Variants in SLC24A2 observed in about 807,000 individuals in gnomAD.
SLC24A2 encodes the protein solute carrier family 24 member 2.
In SLC24A2, 36 loss-of-function variants were observed where a neutral mutation model predicts 62.0. The ratio of observed to expected loss-of-function variants is 0.58; its 90% confidence interval spans 0.44 to 0.77. The LOEUF (loss-of-function observed/expected upper bound fraction) is 0.77, where lower values mean the gene tolerates loss of function less well. SLC24A2 is among the 30% of genes least tolerant of loss of function. SLC24A2 has a pLI of 0.00. For missense variants in SLC24A2, 846 were observed against 817.9 expected, an observed-to-expected ratio of 1.03 and a Z score of -0.42; for synonymous variants, 358 against 294.0, an observed-to-expected ratio of 1.22 and a Z score of -2.23.
intron 2 of SLC24A2, among the ~76,000 whole-genome samples, chr9:19,650,203 G>A (rs944170860): frequency 3.3e-5 from 5 of 152,194 alleles, no homozygotes; most frequent in African/African-American, 7.2e-5. Flanking sequence ...CAACAGACTC[G>A]AAAGCTGAAA....
chr9:19,557,210 A>G (rs1835138066), intron 7 of SLC24A2, among the ~76,000 whole-genome samples: 1 of 152,238 alleles, frequency 6.6e-6, no homozygotes, highest in Non-Finnish European at 1.5e-5. Context: ...CTTTACATCC[A>G]GTTATACCAG....
At chr9:20,080,759 A>G in the SLC24A2 span, among the ~76,000 whole-genome samples, 3 of 152,278 alleles carry the variant, frequency 2.0e-5, no homozygotes, top group Non-Finnish European at 4.4e-5. Flanking sequence ...AGAATCTACA[A>G]TGAACTCAAA....
the SLC24A2 span, among the ~76,000 whole-genome samples, chr9:20,124,108 G>A: frequency 1.3e-5 from 2 of 152,006 alleles, no homozygotes; most frequent in Non-Finnish European, 2.9e-5. Flanking sequence ...TGATACAATG[G>A]TGGACACCTG....
rs1453670723 is a variant in SLC24A2, at chr9:19,577,143, C to T, written c.1130-121G>A. ...AATAGCGTGACCACTCCATTCTGTCCAACCCCAATGCACCAGGACCTTCCT... is the reference window on the plus strand; with the variant it reads ...AATAGCGTGACCACTCCATTCTGTCTAACCCCAATGCACCAGGACCTTCCT... On this transcript the variant is annotated intron_variant, in intron 5 of 10. Coordinates refer to ENST00000341998, the MANE Select transcript of SLC24A2 (RefSeq NM_020344.4). 3.7e-6 allele frequency: 3 copies of T among 802,778 alleles called. No individual in the cohort carries two copies. The Admixed American group carries it at 5.3e-5, about 14-fold the overall frequency. The allele number at this position is 802,778 out of a possible 1,614,324, so 49.7% of individuals were successfully genotyped here.
At position 19,508,964 on chromosome 9, in the gene SLC24A2, CT is replaced by C. The variant is rs1832608363; in HGVS notation, c.*7188del. On this transcript the variant is annotated 3_prime_UTR_variant, in exon 11 of 11. Transcript: ENST00000341998. ...CACCAAAGCATTATGAAATCTGCTGCTTTACATGTCCTCCCAAGGAAGGTTA... is the reference window on the plus strand; with the variant it reads ...CACCAAAGCATTATGAAATCTGCTGCTTACATGTCCTCCCAAGGAAGGTTA... The C allele has an allele frequency of 2.0e-5, 3 of 152,112 alleles. No individual in the cohort carries two copies. The highest frequency in any genetic ancestry group is 7.2e-5 in the African/African-American group (3 of 41,410). 9.4% of individuals were successfully genotyped at this position (152,112 alleles called of 1,614,324 possible).
intron 7 of SLC24A2, among the ~76,000 whole-genome samples, chr9:19,565,177 T>C (rs1016933677): frequency 6.6e-6 from 1 of 152,182 alleles, no homozygotes; most frequent in African/African-American, 2.4e-5. Context: ...AAATTGTCCC[T>C]GTTTGCAGAT....
chr9:20,049,438 A>G, the SLC24A2 span, among the ~76,000 whole-genome samples: 1 of 152,142 alleles, frequency 6.6e-6, no homozygotes, highest in South Asian at 2.1e-4. Flanking sequence ...TAAATAGTTT[A>G]GTTACCATTT....
the SLC24A2 span, among the ~76,000 whole-genome samples, chr9:19,810,768 CTA>C: frequency 6.6e-6 from 1 of 152,006 alleles, no homozygotes; most frequent in Non-Finnish European, 1.5e-5. Flanking sequence ...ATTTTAAAAA[CTA>C]TGTAATAACC....
chr9:20,270,777 C>T, the SLC24A2 span, among the ~76,000 whole-genome samples: 1 of 152,132 alleles, frequency 6.6e-6, no homozygotes, highest in Non-Finnish European at 1.5e-5. Flanking sequence ...TCTAGTGGAA[C>T]TTTGCATAAA....
At chr9:19,740,808 G>C (rs992525280) in intron 2 of SLC24A2, among the ~76,000 whole-genome samples, 5 of 151,694 alleles carry the variant, frequency 3.3e-5, no homozygotes, top group African/African-American at 1.2e-4. Context: ...CGGATACCTG[G>C]GTGTTTGTTT....
chr9:20,107,800 C>A, the SLC24A2 span, among the ~76,000 whole-genome samples: 1 of 152,076 alleles, frequency 6.6e-6, no homozygotes, highest in East Asian at 1.9e-4. Flanking sequence ...GACTTCATGT[C>A]TAAAACACCA....
intron 4 of SLC24A2, among the ~76,000 whole-genome samples, chr9:19,606,520 C>G (rs1160083664): frequency 3.3e-5 from 5 of 152,232 alleles, no homozygotes; most frequent in African/African-American, 1.2e-4. Context: ...GGGGCAAGCA[C>G]TGGCTAAAGT....
the SLC24A2 span, among the ~76,000 whole-genome samples, chr9:20,092,398 A>G: frequency 2.0e-5 from 3 of 152,188 alleles, no homozygotes. Flanking sequence ...ATGCAGCCCA[A>G]CGCAAATTCA....
the SLC24A2 span, among the ~76,000 whole-genome samples, chr9:20,230,022 T>C: frequency 3.3e-5 from 5 of 152,152 alleles, no homozygotes; most frequent in African/African-American, 4.8e-5. Flanking sequence ...CTGGGAATGA[T>C]GGTTTCCAGT....
chr9:19,947,360 G>T, the SLC24A2 span, among the ~76,000 whole-genome samples: 1 of 147,412 alleles, frequency 6.8e-6, no homozygotes, highest in South Asian at 2.1e-4. Context: ...AAGGAAGGAA[G>T]GAAGGAAAGA....
chr9:19,889,043 G>C, the SLC24A2 span, among the ~76,000 whole-genome samples: 1 of 152,186 alleles, frequency 6.6e-6, no homozygotes, highest in Non-Finnish European at 1.5e-5. Flanking sequence ...CCTGGCCCCA[G>C]ACCATCAGTG....
Position 19,576,977 on chromosome 9 carries a change from T to TGAGA in SLC24A2, c.1174_1175insTCTC (p.Lys392IlefsTer8). Reference sequence around the variant, plus strand: ...CTCGTTCTCATCCACATGACATTTCTTCTTGGCGATCTTGTGGAGAATTGA... The same window carrying TGAGA: ...CTCGTTCTCATCCACATGACATTTCTGAGATCTTGGCGATCTTGTGGAGAATTGA... On this transcript the variant is annotated frameshift_variant, in exon 6 of 11. Coordinates refer to ENST00000341998, the MANE Select transcript of SLC24A2 (RefSeq NM_020344.4). LOFTEE classifies it high-confidence loss of function. 6.2e-7 allele frequency: 1 copy of TGAGA among 1,614,202 alleles called. No individual in the cohort carries two copies. The highest frequency in any genetic ancestry group is 8.5e-7 in the Non-Finnish European group (1 of 1,180,022).
chr9:19,608,897 T>C (rs1837067069), intron 4 of SLC24A2, among the ~76,000 whole-genome samples: 1 of 152,176 alleles, frequency 6.6e-6, no homozygotes, highest in South Asian at 2.1e-4. Context: ...GCTACATGCC[T>C]GCTCATCTCA....
chr9:20,265,181 C>T, the SLC24A2 span, among the ~76,000 whole-genome samples: 19 of 152,338 alleles, frequency 1.2e-4, no homozygotes, highest in African/African-American at 2.9e-4. Context: ...TTAGAAAGGA[C>T]GGACATCTAT....
Sources: gnomAD v4.1 joint callset for allele counts (sites outside exome capture counted in the v4.1 genomes callset) on GRCh38, gnomAD v4.1.1 for gene constraint, MANE v1.5 for transcripts, NCBI Gene and HGNC (gene_info 2026-07-23, HGNC 2026-07-21) for gene names.